Variants in ARHGEF28 observed in about 807,000 individuals in gnomAD.
ARHGEF28 encodes Rho guanine nucleotide exchange factor 28.
A neutral mutation model predicts 206.6 loss-of-function variants in ARHGEF28; 152 were observed. The ratio of observed to expected loss-of-function variants is 0.74; its 90% CI spans 0.64 to 0.84. ARHGEF28 has a LOEUF of 0.84. Ranked by LOEUF, ARHGEF28 falls within the 40% of genes least tolerant of loss-of-function variation. ARHGEF28 has a pLI of 0.00. For synonymous variants in ARHGEF28, 763 were observed against 776.4 expected (o/e 0.98, Z 0.29); for missense variants, 2,028 against 2,073.2 (o/e 0.98, Z 0.42).
intron 2 of ARHGEF28, among the ~76,000 whole-genome samples, chr5:73,715,694 T>C (rs572449808): frequency 3.2e-4 from 49 of 152,320 alleles, no homozygotes; most frequent in African/African-American, 1.1e-3. Flanking sequence ...ACATCCAAAG[T>C]ATAATTATGT....
chr5:73,762,870 T>C lies in ARHGEF28; in HGVS notation c.475+9668T>C, dbSNP rs938504131. ...CTTCATGTTCCATATACTACTTAAG[T>C]GAGCCTAAGCAATTGCATAATTATG... On this transcript the variant is annotated intron_variant, in intron 4 of 35. Transcript: ENST00000513042. Among the ~76,000 whole-genome samples, 7 of 152,204 alleles carry C rather than the reference T, an allele frequency of 4.6e-5. No individual in the cohort carries two copies. The East Asian group carries it at 1.3e-3, about 29-fold the overall frequency.
rs1457124613 is a variant in ARHGEF28 at position 73,857,795 on chromosome 5, C to G, written c.1914+16C>G. 4 of 1,603,236 alleles carry G rather than the reference C, an allele frequency of 2.5e-6. No individual in the cohort carries two copies. The African/African-American group carries it at 4.0e-5, about 16-fold the overall frequency. ...TAAATCAAAGGTAATTAAAGTGATT[C>G]ACTTATTTTCTATAAAATATAGACA... On this transcript the variant is annotated intron_variant, in intron 15 of 35. Transcript: ENST00000513042.
In ARHGEF28 at chr5:73,868,004, G is replaced by C; in HGVS notation, c.2281G>C (p.Gly761Arg). 1 of 1,613,954 alleles carries C rather than the reference G, an allele frequency of 6.2e-7. No individual in the cohort carries two copies. Among genetic ancestry groups the C allele is most frequent in the Non-Finnish European group, 8.5e-7 (1 of 1,179,882 alleles). Residue 761 changes from glycine (G) to arginine (R), a missense_variant, in exon 19 of 36, where the codon GGC (glycine) becomes CGC (arginine). Physicochemically the swap from Gly to Arg is moderately radical, Grantham distance 125. Transcript: ENST00000513042. Reference sequence around the variant, plus strand: ...CCATCCATTGTCCAGAAGTGTTCCAGGCACCACCTTGGAAAGGTAAGGCTG... The same window carrying C: ...CCATCCATTGTCCAGAAGTGTTCCACGCACCACCTTGGAAAGGTAAGGCTG... ...QVHPLSRSVP[G>R]TTLESFRRSA...
At chr5:73,757,654 A>G (rs532576470) in intron 4 of ARHGEF28, among the ~76,000 whole-genome samples, 17 of 152,306 alleles carry the variant, frequency 1.1e-4, no homozygotes, top group African/African-American at 4.1e-4. Context: ...ATTAGTCACA[A>G]TGCAACTTCA....
chr5:73,890,174 C>A (rs1761540980), intron 26 of ARHGEF28, among the ~76,000 whole-genome samples: 3 of 152,138 alleles, frequency 2.0e-5, no homozygotes, highest in Admixed American at 6.5e-5. Flanking sequence ...GGTTCCCATG[C>A]CCCCTGGTCT....
At chr5:73,876,834 T>G (rs990084189) in intron 22 of ARHGEF28, among the ~76,000 whole-genome samples, 7 of 149,590 alleles carry the variant, frequency 4.7e-5, no homozygotes, top group Admixed American at 2.7e-4. Context: ...AGTATTTTAT[T>G]GAGGATTTTT....
At chr5:73,863,545 G>A (rs1759526822) in intron 16 of ARHGEF28, among the ~76,000 whole-genome samples, 1 of 151,862 alleles carries the variant, frequency 6.6e-6, no homozygotes, top group African/African-American at 2.4e-5. Flanking sequence ...GTCTCATGAA[G>A]CTCCATTTTC....
Position 73,888,137 on chromosome 5 carries a change from C to G in ARHGEF28, c.3387+458C>G, listed in dbSNP as rs771463342. Among the ~76,000 whole-genome samples the G allele has an allele frequency of 2.0e-5, 3 of 152,212 alleles. No homozygotes were observed. In the South Asian group the frequency reaches 6.2e-4, roughly 32 times the overall value. On this transcript the variant is annotated intron_variant, in intron 26 of 35. Coordinates refer to ENST00000513042, the MANE Select transcript of ARHGEF28 (RefSeq NM_001177693.2). ...TTCCAGCACCTGGCTTTCTCCATGCCCATTGGCCCTGCTCTCCCACTTACT... is the reference window on the plus strand; with the variant it reads ...TTCCAGCACCTGGCTTTCTCCATGCGCATTGGCCCTGCTCTCCCACTTACT...
intron 2 of ARHGEF28, among the ~76,000 whole-genome samples, chr5:73,713,500 G>A (rs1487674994): frequency 1.3e-5 from 2 of 152,158 alleles, no homozygotes; most frequent in African/African-American, 4.8e-5. Flanking sequence ...GAGTTAAGAG[G>A]AAGATGGGCC....
intron 1 of ARHGEF28, among the ~76,000 whole-genome samples, chr5:73,677,298 C>A (rs975743192): frequency 3.3e-5 from 5 of 152,172 alleles, no homozygotes; most frequent in African/African-American, 1.2e-4. Context: ...GTAACAAGGA[C>A]TTCCCATATA....
At chr5:73,857,559 A>T (rs538844083) in intron 14 of ARHGEF28, 97 bp from the exon 15 acceptor site, 14 of 1,223,862 alleles carry the variant, frequency 1.1e-5, no homozygotes, top group Non-Finnish European at 1.3e-5. Context: ...ACATACATAT[A>T]TGTGTACACA....
At chr5:73,834,558 GTGTGT>G (rs1205720105) in intron 10 of ARHGEF28, among the ~76,000 whole-genome samples, 9 of 151,630 alleles carry the variant, frequency 5.9e-5, no homozygotes, top group Non-Finnish European at 8.8e-5. Context: ...GTGTGTGTGT[GTGTGT>G]GTGTGTGTGT....
chr5:73,773,783 C>T (rs1380574290), intron 4 of ARHGEF28, 72 bp from the exon 5 acceptor site: 6 of 1,338,260 alleles, frequency 4.5e-6, no homozygotes, highest in Non-Finnish European at 6.0e-6. Flanking sequence ...ATACACTGTC[C>T]CTTTGATAAA....
At chr5:73,770,318 A>G (rs1753152059) in intron 4 of ARHGEF28, among the ~76,000 whole-genome samples, 2 of 152,182 alleles carry the variant, frequency 1.3e-5, no homozygotes, top group Admixed American at 6.5e-5. Context: ...CTCCCTTCCT[A>G]TCTGGGGCAG....
intron 2 of ARHGEF28, among the ~76,000 whole-genome samples, chr5:73,707,572 T>G (rs564693776): frequency 8.5e-5 from 13 of 152,348 alleles, no homozygotes; most frequent in African/African-American, 2.9e-4. Flanking sequence ...AGATGCAAAT[T>G]ATTATCCTAT....
At chr5:73,791,370 G>A (rs1213787329) in intron 7 of ARHGEF28, among the ~76,000 whole-genome samples, 2 of 152,208 alleles carry the variant, frequency 1.3e-5, no homozygotes, top group South Asian at 4.1e-4. Context: ...TGACATTTGT[G>A]GGGGCAGGCA....
At chr5:73,794,376 G>T in intron 7 of ARHGEF28, 26 bp from the exon 8 acceptor site, 1 of 1,569,228 alleles carries the variant, frequency 6.4e-7, no homozygotes, top group Admixed American at 1.8e-5. Context: ...CCCATCAGCA[G>T]ATCCTGATAA....
chr5:73,768,460 T>G (rs537573462), intron 4 of ARHGEF28, among the ~76,000 whole-genome samples: 1 of 152,300 alleles, frequency 6.6e-6, no homozygotes, highest in South Asian at 2.1e-4. Flanking sequence ...ATATGAGACA[T>G]GGAGTCAAAG....
intron 22 of ARHGEF28, among the ~76,000 whole-genome samples, chr5:73,880,283 G>A (rs1760831732): frequency 6.6e-6 from 1 of 152,228 alleles, no homozygotes; most frequent in Non-Finnish European, 1.5e-5. Context: ...CGTCGGAAAA[G>A]CGCAGTATTC....
Sources: gnomAD v4.1 joint callset for allele counts (sites outside exome capture counted in the v4.1 genomes callset) on GRCh38, gnomAD v4.1.1 for gene constraint, MANE v1.5 for transcripts, NCBI Gene and HGNC (gene_info 2026-07-23, HGNC 2026-07-21) for gene names.